Variants in ADAMTS9 observed in about 807,000 individuals in gnomAD.
ADAMTS9 encodes A disintegrin and metalloproteinase with thrombospondin motifs 9.
In ADAMTS9, 107 loss-of-function variants were observed where a neutral mutation model predicts 257.1. The ratio of observed to expected loss-of-function variants is 0.42; its 90% CI spans 0.36 to 0.49. The LOEUF (loss-of-function observed/expected upper bound fraction) is 0.49. Ranked by LOEUF, ADAMTS9 falls within the 20% of genes least tolerant of loss-of-function variation. ADAMTS9 has a pLI of 0.03. For synonymous variants in ADAMTS9, 982 were observed against 880.9 expected (o/e 1.11, Z -2.03); for missense variants, 2,353 against 2,469.1 (o/e 0.95, Z 1.00).
chr3:64,541,504 A>T, intron 34 of ADAMTS9, 22 bp downstream of exon 34: 2 of 1,610,166 alleles, frequency 1.2e-6, no homozygotes, highest in Non-Finnish European at 1.7e-6. Flanking sequence ...TCTTGAAATA[A>T]TGACTGGTGT....
intron 28 of ADAMTS9, among the ~76,000 whole-genome samples, chr3:64,575,969 A>G (rs1453463904): frequency 6.6e-6 from 1 of 152,204 alleles, no homozygotes; most frequent in Admixed American, 6.5e-5. Flanking sequence ...ATTCTAACAG[A>G]GGCATTGATA....
intron 38 of ADAMTS9, among the ~76,000 whole-genome samples, chr3:64,526,381 G>A (rs1276167630): frequency 6.6e-6 from 1 of 152,114 alleles, no homozygotes; most frequent in African/African-American, 2.4e-5. Flanking sequence ...GGATAAAATA[G>A]TTTCTCTTAA....
In ADAMTS9 at chr3:64,687,080, A is replaced by G. The variant is rs1484183237; in HGVS notation, c.116-112T>C. 29 of 1,299,070 alleles carry G rather than the reference A, an allele frequency of 2.2e-5. No homozygotes were observed. Among genetic ancestry groups the G allele is most frequent in the Non-Finnish European group, 3.1e-5 (29 of 946,882 alleles). 80.5% of individuals were successfully genotyped at this position (1,299,070 alleles called of 1,614,324 possible). A position where few individuals can be genotyped will look rare whatever the true frequency, so the allele number is the denominator to read the frequency against. On this transcript the variant is annotated intron_variant, in intron 1 of 39. Transcript: ENST00000498707. This position sits in a 1 kb window ranked among gnomAD's most constrained non-coding sequence, Gnocchi z 4.4. ...CCTTATTTTCCAGCCCATTCGAGTC[A>G]ATCCCTTCACCCTTAATCAGTGGAC...
chr3:64,602,197 C>G lies in ADAMTS9; in HGVS notation c.3764G>C (p.Gly1255Ala), dbSNP rs2084476210. ...LDWSSCSVTC[G>A]QGRATRQVMC... ...CACTTGCCGGGTTGCCCTACCTTGC[C>G]CACAGGTCACAGAGCACTAGGTTGA... The change falls in exon 26 of 40, where the codon GGG becomes GCG. Residue 1255 changes from glycine (G) to alanine (A), a missense_variant. Physicochemically the swap from Gly to Ala is moderately conservative, Grantham distance 60. Coordinates refer to ENST00000498707, the MANE Select transcript of ADAMTS9 (RefSeq NM_182920.2). 6.2e-7 allele frequency: 1 copy of G among 1,613,758 alleles called. No individual in the cohort carries two copies. Among genetic ancestry groups the G allele is most frequent in the African/African-American group, 1.3e-5 (1 of 74,908 alleles).
intron 28 of ADAMTS9, among the ~76,000 whole-genome samples, chr3:64,580,072 A>G (rs1366045835): frequency 6.6e-6 from 1 of 152,188 alleles, no homozygotes; most frequent in Non-Finnish European, 1.5e-5. Flanking sequence ...TGAAGATGTC[A>G]TCTTAGAGTG....
intron 11 of ADAMTS9, among the ~76,000 whole-genome samples, chr3:64,646,699 T>C (rs993679691): frequency 6.6e-6 from 1 of 152,208 alleles, no homozygotes; most frequent in Non-Finnish European, 1.5e-5. Flanking sequence ...TTTATATTTT[T>C]AAACTTTCAT....
intron 12 of ADAMTS9, among the ~76,000 whole-genome samples, chr3:64,634,845 G>C (rs1422744472): frequency 6.6e-6 from 1 of 152,076 alleles, no homozygotes; most frequent in African/African-American, 2.4e-5. Flanking sequence ...ATGGGTTTTT[G>C]GCTGCTTTGT....
intron 3 of ADAMTS9, among the ~76,000 whole-genome samples, chr3:64,670,977 T>C (rs1701472345): frequency 2.0e-5 from 3 of 152,298 alleles, no homozygotes; most frequent in Admixed American, 2.0e-4. Flanking sequence ...GAAAAATATA[T>C]TGGCAGTTTC....
intron 38 of ADAMTS9, among the ~76,000 whole-genome samples, chr3:64,528,456 A>C (rs1252373020): frequency 6.6e-6 from 1 of 152,102 alleles, no homozygotes; most frequent in Admixed American, 6.6e-5. Flanking sequence ...CAGATATCTA[A>C]GCAGAGTGAG....
At chr3:64,584,770 T>A (rs766809935) in intron 28 of ADAMTS9, among the ~76,000 whole-genome samples, 5 of 152,102 alleles carry the variant, frequency 3.3e-5, no homozygotes, top group African/African-American at 9.7e-5. Context: ...TCTCTCTATA[T>A]GCTATTATTA....
At chr3:64,608,424 A>G (rs2084603322) in intron 22 of ADAMTS9, among the ~76,000 whole-genome samples, 1 of 152,048 alleles carries the variant, frequency 6.6e-6, no homozygotes, top group Non-Finnish European at 1.5e-5. Context: ...ACGACTAAGA[A>G]AAAATGAGAA....
intron 28 of ADAMTS9, among the ~76,000 whole-genome samples, chr3:64,591,650 C>T (rs549420949): frequency 1.3e-5 from 2 of 152,218 alleles, no homozygotes; most frequent in Admixed American, 6.5e-5. Flanking sequence ...TTTAGGGATG[C>T]TGGAAGCTAT....
In ADAMTS9 at chr3:64,604,219, T is replaced by C. The variant is rs1275416990; in HGVS notation, c.3579+8A>G. 2 of 1,610,054 alleles carry C rather than the reference T, an allele frequency of 1.2e-6. No individual in the cohort carries two copies. Among genetic ancestry groups the C allele is most frequent in the East Asian group, 2.2e-5 (1 of 44,808 alleles). On this transcript the variant is annotated splice_region_variant and intron_variant, in intron 24 of 39. Transcript: ENST00000498707. ...TGCCCTCCCCATTTCTCCCAGTCTA[T>C]TTCTTACTGGGGTCCAAGACCCAAA...
chr3:64,552,595 C>G (rs1297587695), intron 30 of ADAMTS9, among the ~76,000 whole-genome samples: 3 of 143,956 alleles, frequency 2.1e-5, no homozygotes, highest in Non-Finnish European at 4.5e-5. Flanking sequence ...TTTTTTGAGA[C>G]AAAGTCTCCC....
Position 64,633,687 on chromosome 3 carries a change from G to A in ADAMTS9, c.2038+11C>T, listed in dbSNP as rs370994445. 6.2e-7 allele frequency: 1 copy of A among 1,613,684 alleles called. No individual in the cohort carries two copies. The highest frequency in any genetic ancestry group is 8.5e-7 in the Non-Finnish European group (1 of 1,179,922). ...CGGCCAACGGTGAACAGATACACCA[G>A]ACACACTTACTTCCACTGTATTTAG... is the stretch of plus-strand genomic sequence containing the variant. On this transcript the variant is annotated intron_variant, in intron 13 of 39. Transcript: ENST00000498707.
intron 32 of ADAMTS9, among the ~76,000 whole-genome samples, chr3:64,542,430 C>CTTTTTTTTTTTTTTTTTTTTTT (rs56812239): frequency 8.0e-6 from 1 of 124,562 alleles, no homozygotes; most frequent in African/African-American, 3.0e-5. Flanking sequence ...TTCTTTCTTT[C>CTTTTTTTTTTTTTTTTTTTTTT]TTTTTTTTTT....
intron 39 of ADAMTS9, among the ~76,000 whole-genome samples, chr3:64,520,269 A>G (rs1338640280): frequency 6.6e-6 from 1 of 152,214 alleles, no homozygotes; most frequent in Non-Finnish European, 1.5e-5. Context: ...GGAGAATTAT[A>G]AACATTGCTT....
At chr3:64,683,270 A>G (rs1186885230) in intron 2 of ADAMTS9, among the ~76,000 whole-genome samples, 1 of 152,200 alleles carries the variant, frequency 6.6e-6, no homozygotes, top group African/African-American at 2.4e-5. Context: ...AAACCAAGAC[A>G]CAGAAGGAGG....
intron 28 of ADAMTS9, among the ~76,000 whole-genome samples, chr3:64,569,959 G>T (rs140745091): frequency 3.0e-4 from 45 of 152,218 alleles, no homozygotes; most frequent in African/African-American, 1.1e-3. Context: ...AAGACTTTGC[G>T]ATATAATTCT....
Sources: allele counts gnomAD v4.1 joint callset (sites outside exome capture counted in the v4.1 genomes callset), GRCh38; gene constraint gnomAD v4.1.1; non-coding constraint Gnocchi (gnomAD v3.1); transcripts MANE v1.5; gene names NCBI Gene and HGNC (gene_info 2026-07-23, HGNC 2026-07-21).